Variants in ARHGAP12 observed in about 807,000 individuals in gnomAD.
ARHGAP12 encodes rho GTPase-activating protein 12.
ARHGAP12 carries 64 observed loss-of-function variants against 108.6 expected under a neutral mutation model. The ratio of observed to expected loss-of-function variants is 0.59; its 90% CI spans 0.48 to 0.73. The LOEUF (loss-of-function observed/expected upper bound fraction) is 0.73, where lower values mean the gene tolerates loss of function less well. Ranked by LOEUF, ARHGAP12 falls within the 30% of genes least tolerant of loss-of-function variation. The pLI, the probability that ARHGAP12 is intolerant of heterozygous loss-of-function variation, is 0.00. For synonymous variants in ARHGAP12, 312 were observed against 337.2 expected, an observed-to-expected ratio of 0.93 and a Z score of 0.82; for missense variants, 940 against 1,005.9, an observed-to-expected ratio of 0.93 and a Z score of 0.89.
intron 3 of ARHGAP12, among the ~76,000 whole-genome samples, chr10:31,869,313 G>C (rs543281194): frequency 3.3e-4 from 50 of 152,182 alleles, no homozygotes; most frequent in Non-Finnish European, 6.2e-4. Flanking sequence ...GAAGCAGGAG[G>C]ATCACCTGAG....
intron 3 of ARHGAP12, among the ~76,000 whole-genome samples, chr10:31,887,517 C>T (rs1259379308): frequency 6.6e-6 from 1 of 152,162 alleles, no homozygotes; most frequent in Non-Finnish European, 1.5e-5. Context: ...TTATTTACTA[C>T]ATTATCTGTT....
chr10:31,865,397 A>C (rs1837285469), intron 3 of ARHGAP12, among the ~76,000 whole-genome samples: 1 of 152,094 alleles, frequency 6.6e-6, no homozygotes. Flanking sequence ...TGTGAAGTAC[A>C]GTTTGTTTTA....
In ARHGAP12 at chr10:31,809,057, AAAACATTTTGAGGGCT is replaced by A; in HGVS notation, c.2184_2199del (p.Ala729PhefsTer35). On this transcript the variant is annotated frameshift_variant, in exon 18 of 20. Coordinates refer to ENST00000344936, the MANE Select transcript of ARHGAP12 (RefSeq NM_018287.7). LOFTEE classifies it high-confidence loss of function. ...AAAAGAGGTTCTGGTAATTCTCGAAAAAACATTTTGAGGGCTCCAGTAATGACATGAATATCTTCCC... is the reference window on the plus strand; with the variant it reads ...AAAAGAGGTTCTGGTAATTCTCGAAACCAGTAATGACATGAATATCTTCCC... 6.2e-7 allele frequency: 1 copy of A among 1,611,902 alleles called. No individual in the cohort carries two copies. Among genetic ancestry groups the A allele is most frequent in the South Asian group, 1.1e-5 (1 of 90,696 alleles).
At chr10:31,923,421 T>C (rs1260242006) in intron 1 of ARHGAP12, among the ~76,000 whole-genome samples, 1 of 152,226 alleles carries the variant, frequency 6.6e-6, no homozygotes, top group Non-Finnish European at 1.5e-5. Flanking sequence ...AAATGTTAAA[T>C]ATGCATCTAC....
chr10:31,817,795 T>C lies in ARHGAP12; in HGVS notation c.1724A>G (p.Asn575Ser). The C allele has an allele frequency of 1.9e-6, 3 of 1,594,738 alleles. No homozygotes were observed. Among genetic ancestry groups the C allele is most frequent in the Non-Finnish European group, 2.6e-6 (3 of 1,171,290 alleles). Residue 575 changes from asparagine to serine, a missense_variant, in exon 13 of 20, where the codon AAT becomes AGT. By Grantham distance (46) the Asn-to-Ser change is conservative. Coordinates refer to ENST00000344936, the MANE Select transcript of ARHGAP12 (RefSeq NM_018287.7). Reference protein sequence around the residue: ...DWFKVLSSTINNQAVETDEGI... With the variant: ...DWFKVLSSTISNQAVETDEGI... ...CCTAAGTCAACGACATACCTGATTATTGATTGTACTACTAAGAACTTTAAA... is the reference window on the plus strand; with the variant it reads ...CCTAAGTCAACGACATACCTGATTACTGATTGTACTACTAAGAACTTTAAA...
At chr10:31,858,209 C>CA (rs1324183326) in intron 4 of ARHGAP12, among the ~76,000 whole-genome samples, 1 of 151,254 alleles carries the variant, frequency 6.6e-6, no homozygotes, top group African/African-American at 2.4e-5. Context: ...TGTCTCCTGC[C>CA]AAAAAAGGCT....
At chr10:31,858,861 C>T (rs1275849639) in intron 4 of ARHGAP12, among the ~76,000 whole-genome samples, 8 of 152,028 alleles carry the variant, frequency 5.3e-5, no homozygotes, top group Non-Finnish European at 8.8e-5. Flanking sequence ...ATTACCTACA[C>T]GGAAGAAAGT....
At chr10:31,864,928 G>C (rs574979710) in intron 3 of ARHGAP12, among the ~76,000 whole-genome samples, 13 of 152,138 alleles carry the variant, frequency 8.5e-5, no homozygotes, top group Non-Finnish European at 1.6e-4. Context: ...GAGCAAAAAG[G>C]AAGAGACCCG....
intron 13 of ARHGAP12, among the ~76,000 whole-genome samples, chr10:31,816,879 C>T (rs974715009): frequency 2.6e-5 from 4 of 152,146 alleles, no homozygotes; most frequent in Admixed American, 6.6e-5. Context: ...TGCAATATTA[C>T]AAACTACAAA....
At position 31,839,405 on chromosome 10, in the gene ARHGAP12, CT is replaced by C; in HGVS notation, c.1372-87del. The stretch of plus-strand genomic sequence containing the variant: ...TTTAAAAACAAATATAAGTTCATCA[CT>C]TAAAAATATGGTATATAATTTAATC... On this transcript the variant is annotated intron_variant, in intron 8 of 19. Transcript: ENST00000344936. 4.4e-6 allele frequency: 6 copies of C among 1,379,174 alleles called. No individual in the cohort carries two copies. The South Asian group carries it at 8.1e-5, about 19-fold the overall frequency. 85.4% of individuals were successfully genotyped at this position (1,379,174 alleles called of 1,614,324 possible).
chr10:31,864,677 G>C (rs1048544790), intron 3 of ARHGAP12, among the ~76,000 whole-genome samples: 1 of 152,208 alleles, frequency 6.6e-6, no homozygotes, highest in Non-Finnish European at 1.5e-5. Context: ...ATGTGATAAA[G>C]AGAGGAAACT....
At chr10:31,828,923 G>A (rs573706118) in intron 10 of ARHGAP12, among the ~76,000 whole-genome samples, 29 of 152,242 alleles carry the variant, frequency 1.9e-4, no homozygotes, top group African/African-American at 5.5e-4. Flanking sequence ...AGGCCAAGAC[G>A]GGCGGATCAC....
At chr10:31,833,290 T>G (rs555628896) in intron 9 of ARHGAP12, among the ~76,000 whole-genome samples, 31 of 147,180 alleles carry the variant, frequency 2.1e-4, no homozygotes, top group African/African-American at 6.5e-4. Flanking sequence ...GGCAGAGAGG[T>G]GGGAATTAAG....
At chr10:31,904,879 G>A (rs779908304) in intron 3 of ARHGAP12, among the ~76,000 whole-genome samples, 4 of 151,276 alleles carry the variant, frequency 2.6e-5, no homozygotes, top group Admixed American at 2.0e-4. Context: ...CTCCCACCTC[G>A]GCCTCTCAAA....
intron 3 of ARHGAP12, among the ~76,000 whole-genome samples, chr10:31,894,466 A>G (rs1370740077): frequency 2.0e-5 from 3 of 151,044 alleles, no homozygotes; most frequent in East Asian, 1.9e-4. Flanking sequence ...AGACAAACAG[A>G]GAGCCAAATC....
chr10:31,902,228 C>T (rs1838956827), intron 3 of ARHGAP12, among the ~76,000 whole-genome samples: 1 of 150,952 alleles, frequency 6.6e-6, no homozygotes, highest in African/African-American at 2.4e-5. Context: ...TAGACCCACA[C>T]AAAGGAGCCC....
chr10:31,897,356 A>ACG (rs1838741954), intron 3 of ARHGAP12, among the ~76,000 whole-genome samples: 3 of 152,108 alleles, frequency 2.0e-5, no homozygotes, highest in East Asian at 1.9e-4. Flanking sequence ...ACAGCTCATG[A>ACG]CGCACACACA....
chr10:31,867,193 C>T (rs1837361461), intron 3 of ARHGAP12, among the ~76,000 whole-genome samples: 1 of 150,778 alleles, frequency 6.6e-6, no homozygotes, highest in Non-Finnish European at 1.5e-5. Flanking sequence ...CAGCTCACTG[C>T]AGCCTCCACC....
intron 9 of ARHGAP12, among the ~76,000 whole-genome samples, chr10:31,835,189 C>T (rs1287746644): frequency 6.9e-6 from 1 of 145,976 alleles, no homozygotes; most frequent in African/African-American, 2.5e-5. Context: ...CAGAGCGAGA[C>T]TCCGTCTCAA....
Sources: allele counts gnomAD v4.1 joint callset (sites outside exome capture counted in the v4.1 genomes callset), GRCh38; gene constraint gnomAD v4.1.1; transcripts MANE v1.5; gene names NCBI Gene and HGNC (gene_info 2026-07-23, HGNC 2026-07-21).